Variants in BMPR2 observed in about 807,000 individuals in gnomAD.
The protein encoded by BMPR2 is bone morphogenetic protein receptor type-2.
A neutral mutation model predicts 100.8 loss-of-function variants in BMPR2; 29 were observed. The observed-to-expected ratio is 0.29, with a 90% CI of 0.21 to 0.39. The LOEUF (loss-of-function observed/expected upper bound fraction) is 0.39. Ranked by LOEUF, BMPR2 falls within the 10% of genes least tolerant of loss-of-function variation. The pLI, the probability that BMPR2 is intolerant of heterozygous loss-of-function variation, is 1.00. For missense variants in BMPR2, 1,011 were observed against 1,274.5 expected (o/e 0.79, Z 3.15); for synonymous variants, 382 against 442.3 (o/e 0.86, Z 1.71).
intron 9 of BMPR2, among the ~76,000 whole-genome samples, chr2:202,534,533 C>T (rs1382542384): frequency 6.6e-6 from 1 of 152,130 alleles, no homozygotes; most frequent in African/African-American, 2.4e-5. Context: ...CCATTTAACC[C>T]TGAGTGGGAC....
At chr2:202,406,519 A>G (rs1415199844) in intron 1 of BMPR2, among the ~76,000 whole-genome samples, 1 of 152,240 alleles carries the variant, frequency 6.6e-6, no homozygotes, top group Admixed American at 6.5e-5. Context: ...CAGGAGTCCT[A>G]CTGTTTTATT....
intron 1 of BMPR2, among the ~76,000 whole-genome samples, chr2:202,463,404 T>C (rs1559046080): frequency 1.3e-5 from 2 of 152,234 alleles, no homozygotes; most frequent in Non-Finnish European, 2.9e-5. Context: ...AGTTTTCTTA[T>C]TATTGTTGGT....
intron 12 of BMPR2, among the ~76,000 whole-genome samples, chr2:202,558,676 C>CT (rs1349292430): frequency 2.6e-5 from 4 of 151,350 alleles, no homozygotes; most frequent in Non-Finnish European, 5.9e-5. Context: ...GGCGGATCAC[C>CT]TGAGGTCGGG....
chr2:202,460,568 A>G (rs1053428998), intron 1 of BMPR2, among the ~76,000 whole-genome samples: 21 of 152,186 alleles, frequency 1.4e-4, no homozygotes, highest in African/African-American at 5.1e-4. Flanking sequence ...TAAAGAACAG[A>G]CATTGTAGTA....
chr2:202,461,276 T>G (rs1257992398), intron 1 of BMPR2, among the ~76,000 whole-genome samples: 1 of 152,068 alleles, frequency 6.6e-6, no homozygotes, highest in Non-Finnish European at 1.5e-5. Flanking sequence ...TCACCTGAGG[T>G]CAGGAGTTTG....
intron 1 of BMPR2, among the ~76,000 whole-genome samples, chr2:202,393,026 A>G (rs1320779332): frequency 6.6e-6 from 1 of 152,088 alleles, no homozygotes; most frequent in East Asian, 1.9e-4. Context: ...GGGAGCATCA[A>G]ATAGGTAAAT....
intron 1 of BMPR2, among the ~76,000 whole-genome samples, chr2:202,449,656 G>T (rs544555604): frequency 6.6e-6 from 1 of 152,120 alleles, no homozygotes; most frequent in East Asian, 1.9e-4. Flanking sequence ...CATTTCACAC[G>T]TTTTGTCACA....
intron 10 of BMPR2, among the ~76,000 whole-genome samples, chr2:202,552,144 C>T (rs1056205160): frequency 4.6e-5 from 7 of 152,102 alleles, no homozygotes; most frequent in South Asian, 2.1e-4. Flanking sequence ...TGAACCACCA[C>T]GCCTGGCCAA....
intron 3 of BMPR2, among the ~76,000 whole-genome samples, chr2:202,492,351 C>T (rs1441342166): frequency 6.6e-6 from 1 of 151,800 alleles, no homozygotes; most frequent in Non-Finnish European, 1.5e-5. Context: ...ATACATTATA[C>T]ACGAAAATGT....
intron 3 of BMPR2, among the ~76,000 whole-genome samples, chr2:202,488,608 T>C (rs906068954): frequency 2.0e-5 from 3 of 152,060 alleles, no homozygotes; most frequent in African/African-American, 7.2e-5. Context: ...TTTTTTTTAA[T>C]GTTTTGTAGA....
At chr2:202,511,561 TGCCAGC>T (rs1687625008) in intron 3 of BMPR2, among the ~76,000 whole-genome samples, 1 of 151,618 alleles carries the variant, frequency 6.6e-6, no homozygotes, top group Admixed American at 6.6e-5. Context: ...TCCACATCCT[TGCCAGC>T]GCTTTTTATT....
chr2:202,459,750 AAAC>A (rs1692189918), intron 1 of BMPR2, among the ~76,000 whole-genome samples: 1 of 152,190 alleles, frequency 6.6e-6, no homozygotes, highest in Admixed American at 6.6e-5. Context: ...GCAAAACAAA[AAAC>A]AAAAGCAAAA....
At chr2:202,538,891 A>G (rs1000349329) in intron 9 of BMPR2, among the ~76,000 whole-genome samples, 4 of 152,156 alleles carry the variant, frequency 2.6e-5, no homozygotes, top group African/African-American at 9.7e-5. Flanking sequence ...AGACAACTAA[A>G]TAAATTTTTA....
At chr2:202,436,845 C>T (rs1691624727) in intron 1 of BMPR2, among the ~76,000 whole-genome samples, 1 of 150,592 alleles carries the variant, frequency 6.6e-6, no homozygotes, top group Admixed American at 6.6e-5. Context: ...TTTCAAGAAA[C>T]ATGACTCTAG....
intron 1 of BMPR2, among the ~76,000 whole-genome samples, chr2:202,400,636 G>C (rs1449098706): frequency 6.6e-6 from 1 of 151,988 alleles, no homozygotes; most frequent in Non-Finnish European, 1.5e-5. Context: ...TGAGCATAAT[G>C]GTTATATTTA....
At position 202,534,242 on chromosome 2, in the gene BMPR2, A is replaced by AT. The variant is rs959904034; in HGVS notation, c.1276+1515dup. ...GTGTGTATATATATATATAAATAAA[A>AT]TTTTTATTTATTTATTTATTTATTT... On this transcript the variant is annotated intron_variant, in intron 9 of 12. Coordinates refer to ENST00000374580, the MANE Select transcript of BMPR2 (RefSeq NM_001204.7). Among the ~76,000 whole-genome samples the AT allele has an allele frequency of 7.5e-5, 11 of 147,228 alleles. No individual in the cohort carries two copies. The South Asian group carries it at 1.3e-3, about 17-fold the overall frequency.
At chr2:202,514,491 T>G (rs1687679822) in intron 4 of BMPR2, among the ~76,000 whole-genome samples, 1 of 152,206 alleles carries the variant, frequency 6.6e-6, no homozygotes, top group African/African-American at 2.4e-5. Flanking sequence ...TCTGAAAAAA[T>G]AACAGTAATT....
At chr2:202,559,582 A>G in intron 12 of BMPR2, 114 bp from the exon 13 acceptor site, 2 of 1,164,544 alleles carry the variant, frequency 1.7e-6, no homozygotes, top group East Asian at 5.1e-5. Context: ...ATTTCAAGAA[A>G]TGTTCATTAG....
intron 1 of BMPR2, among the ~76,000 whole-genome samples, chr2:202,379,821 CCTT>C (rs1690234199): frequency 6.6e-6 from 1 of 151,042 alleles, no homozygotes; most frequent in South Asian, 2.1e-4. Flanking sequence ...TTCTTGGACT[CCTT>C]AATTCTTAGA....
Sources: allele counts gnomAD v4.1 joint callset (sites outside exome capture counted in the v4.1 genomes callset), GRCh38; gene constraint gnomAD v4.1.1; transcripts MANE v1.5; gene names NCBI Gene and HGNC (gene_info 2026-07-23, HGNC 2026-07-21).